CDH18: variants seen among roughly 807,000 people sequenced by gnomAD.
CDH18 encodes cadherin-18.
Under a neutral mutation model 67.9 loss-of-function variants are expected in CDH18, and 31 were observed. That is an observed-to-expected ratio of 0.46 (90% CI 0.34 to 0.62). CDH18 has a LOEUF of 0.62. Ranked by LOEUF, CDH18 falls within the 20% of genes least tolerant of loss-of-function variation. The pLI, the probability that CDH18 is intolerant of heterozygous loss-of-function variation, is 0.01. For missense variants in CDH18, 890 were observed against 975.5 expected (o/e 0.91, Z 1.17); for synonymous variants, 362 against 347.2 (o/e 1.04, Z -0.48).
chr5:19,780,325 A>G (rs545906851), intron 3 of CDH18, among the ~76,000 whole-genome samples: 1 of 152,252 alleles, frequency 6.6e-6, no homozygotes, highest in South Asian at 2.1e-4. Context: ...AAGAGACAGA[A>G]AAGAGTCCTT....
chr5:20,205,796 T>G (rs1739831965), intron 2 of CDH18, among the ~76,000 whole-genome samples: 1 of 151,670 alleles, frequency 6.6e-6, no homozygotes, highest in Admixed American at 6.6e-5. Flanking sequence ...AGAGAAAATT[T>G]AAACAATTGA....
chr5:19,978,815 C>T (rs760271916), intron 2 of CDH18, among the ~76,000 whole-genome samples: 1 of 144,586 alleles, frequency 6.9e-6, no homozygotes, highest in African/African-American at 2.4e-5. Flanking sequence ...CTTGGGATTA[C>T]ATTGGACGCA....
chr5:19,778,740 C>A (rs573503340), intron 3 of CDH18, among the ~76,000 whole-genome samples: 10 of 152,060 alleles, frequency 6.6e-5, no homozygotes, highest in Non-Finnish European at 1.0e-4. Flanking sequence ...CACCACAAAA[C>A]CATAATAAAA....
chr5:20,558,578 G>C (rs1178410250), intron 1 of CDH18, among the ~76,000 whole-genome samples: 1 of 152,066 alleles, frequency 6.6e-6, no homozygotes, highest in Non-Finnish European at 1.5e-5. Flanking sequence ...TGAAACCATA[G>C]ACAGGATTAT....
chr5:19,871,824 G>A (rs1161841475), intron 2 of CDH18, among the ~76,000 whole-genome samples: 6 of 152,096 alleles, frequency 3.9e-5, no homozygotes, highest in African/African-American at 1.4e-4. Context: ...TGTTCCTTTG[G>A]CAAGAACACA....
At chr5:19,857,436 A>T (rs971101325) in intron 2 of CDH18, among the ~76,000 whole-genome samples, 9 of 152,162 alleles carry the variant, frequency 5.9e-5, no homozygotes, top group African/African-American at 2.2e-4. Flanking sequence ...TAAATAGCTG[A>T]CACAGACTGG....
chr5:20,058,331 C>G (rs565289861), intron 2 of CDH18, among the ~76,000 whole-genome samples: 2 of 152,108 alleles, frequency 1.3e-5, no homozygotes, highest in African/African-American at 4.8e-5. Context: ...AGCTATTATA[C>G]CCGACTTTAC....
chr5:20,377,199 C>T (rs1743524815), intron 1 of CDH18, among the ~76,000 whole-genome samples: 1 of 152,110 alleles, frequency 6.6e-6, no homozygotes, highest in Non-Finnish European at 1.5e-5. Flanking sequence ...TGATGGTGTA[C>T]TGAATAACAA....
intron 7 of CDH18, among the ~76,000 whole-genome samples, chr5:19,573,937 G>C (rs191620005): frequency 6.6e-6 from 1 of 152,248 alleles, no homozygotes; most frequent in East Asian, 1.9e-4. Flanking sequence ...CACTGAATAT[G>C]GGTATTTAAG....
At chr5:19,484,687 A>T (rs1009919688) in intron 11 of CDH18, among the ~76,000 whole-genome samples, 2 of 152,192 alleles carry the variant, frequency 1.3e-5, no homozygotes, top group Non-Finnish European at 2.9e-5. Context: ...ATACTGATGG[A>T]CAACTTTAGC....
At chr5:20,555,408 C>CT (rs774396694) in intron 1 of CDH18, among the ~76,000 whole-genome samples, 44 of 103,650 alleles carry the variant, frequency 4.2e-4, no homozygotes, top group Non-Finnish European at 4.9e-4. Context: ...ACAAGCTTTT[C>CT]TTTTTTTTTT....
At chr5:19,768,425 T>G (rs1481538444) in intron 3 of CDH18, among the ~76,000 whole-genome samples, 1 of 152,124 alleles carries the variant, frequency 6.6e-6, no homozygotes, top group Non-Finnish European at 1.5e-5. Context: ...TCTGGAGAAG[T>G]AATTAAAGTT....
intron 5 of CDH18, among the ~76,000 whole-genome samples, chr5:19,685,458 G>A (rs1306779930): frequency 1.3e-5 from 2 of 152,098 alleles, no homozygotes; most frequent in Non-Finnish European, 2.9e-5. Flanking sequence ...GCCTTGGTGC[G>A]TTATTAGGAA....
Position 19,472,871 on chromosome 5 carries a change from C to T in CDH18, c.*355G>A, listed in dbSNP as rs1409546235. On this transcript the variant is annotated 3_prime_UTR_variant, in exon 13 of 13. Transcript: ENST00000382275. ...GTCATAACCACCAGTGATCTTGAGCCTTTCTGTTTAGTTTTGCTTTTGAAA... is the reference window on the plus strand; with the variant it reads ...GTCATAACCACCAGTGATCTTGAGCTTTTCTGTTTAGTTTTGCTTTTGAAA... The T allele has an allele frequency of 1.6e-5, 3 of 186,408 alleles. No individual in the cohort carries two copies. Among genetic ancestry groups the T allele is most frequent in the African/African-American group, 7.1e-5 (3 of 42,020 alleles). The allele number at this position is 186,408 out of a possible 1,614,324, so 11.5% of individuals were successfully genotyped here. A position where few individuals can be genotyped will look rare whatever the true frequency, so the allele number is the denominator to read the frequency against.
chr5:19,991,556 T>C (rs1414503964), upstream of CDH18, among the ~76,000 whole-genome samples: 9 of 152,196 alleles, frequency 5.9e-5, no homozygotes, highest in African/African-American at 2.2e-4. Flanking sequence ...CAACTATTTA[T>C]TTTATGTGTT....
intron 2 of CDH18, among the ~76,000 whole-genome samples, chr5:20,110,720 T>A (rs1374765966): frequency 1.3e-5 from 2 of 152,168 alleles, no homozygotes; most frequent in East Asian, 3.9e-4. Flanking sequence ...AGTGATTGGA[T>A]TTGAAATGCA....
intron 1 of CDH18, among the ~76,000 whole-genome samples, chr5:20,271,870 G>A (rs768460122): frequency 3.1e-4 from 47 of 151,010 alleles, no homozygotes; most frequent in Non-Finnish European, 5.9e-4. Context: ...TAAGAGTTAT[G>A]CTGAAATATT....
At chr5:20,353,700 C>T (rs146639349) in intron 1 of CDH18, among the ~76,000 whole-genome samples, 135 of 152,282 alleles carry the variant, frequency 8.9e-4, no homozygotes, top group Middle Eastern at 6.8e-3. Context: ...TATCTCGCAG[C>T]AATCAGCCAT....
At chr5:19,850,037 T>C (rs754029532) in intron 2 of CDH18, among the ~76,000 whole-genome samples, 1 of 151,822 alleles carries the variant, frequency 6.6e-6, no homozygotes, top group Non-Finnish European at 1.5e-5. Flanking sequence ...TGTAACCTTG[T>C]GTCATGGCCT....
Sources: allele counts gnomAD v4.1 joint callset (sites outside exome capture counted in the v4.1 genomes callset), GRCh38; gene constraint gnomAD v4.1.1; transcripts MANE v1.5; gene names NCBI Gene and HGNC (gene_info 2026-07-23, HGNC 2026-07-21).